The following ADAM28 variants were observed in gnomAD, a reference collection of about 807,000 sequenced individuals.
ADAM28 encodes the protein disintegrin and metalloproteinase domain-containing protein 28.
Under a neutral mutation model 101.2 loss-of-function variants are expected in ADAM28, and 105 were observed. The observed-to-expected ratio is 1.04, with a 90% CI of 0.89 to 1.22. ADAM28 has a LOEUF of 1.22. Among genes scored for constraint, ADAM28 ranks in the 50% most tolerant of loss-of-function variants. The pLI, the probability that ADAM28 is intolerant of heterozygous loss-of-function variation, is 0.00. For missense variants in ADAM28, 1,028 were observed against 945.4 expected (o/e 1.09, Z -1.15); for synonymous variants, 322 against 310.6 (o/e 1.04, Z -0.39).
chr8:24,310,309 C>A, intron 4 of ADAM28, 68 bp downstream of exon 4: 1 of 1,426,330 alleles, frequency 7.0e-7, no homozygotes, highest in Non-Finnish European at 9.7e-7. Context: ...GTGTCCTTGC[C>A]AGGCAAATAA....
In ADAM28 at chr8:24,354,512, C is replaced by A; in HGVS notation, c.*108C>A. ...ATCTCACCAGTATTTGCTCTCGACT[C>A]AAGAAGGTTAACATTTTCTGATTCA... On this transcript the variant is annotated 3_prime_UTR_variant, in exon 23 of 23. Coordinates refer to ENST00000265769, the MANE Select transcript of ADAM28 (RefSeq NM_014265.6). The A allele has an allele frequency of 7.5e-7, 1 of 1,330,830 alleles. No homozygotes were observed. The highest frequency in any genetic ancestry group is 1.0e-6 in the Non-Finnish European group (1 of 980,300). The allele number at this position is 1,330,830 out of a possible 1,614,324, so 82.4% of individuals were successfully genotyped here.
chr8:24,340,354 G>T (rs755374034), intron 15 of ADAM28, among the ~76,000 whole-genome samples: 1 of 152,150 alleles, frequency 6.6e-6, no homozygotes, highest in Non-Finnish European at 1.5e-5. Context: ...TCTCTTGGGA[G>T]AATCTGTGCC....
chr8:24,329,755 C>T (rs1813086772), intron 10 of ADAM28, among the ~76,000 whole-genome samples: 2 of 151,910 alleles, frequency 1.3e-5, no homozygotes, highest in African/African-American at 4.8e-5. Context: ...GAACAATTTC[C>T]TTCATTATAG....
At chr8:24,352,187 A>G (rs1585759208) in intron 21 of ADAM28, 135 bp downstream of exon 21, 1 of 809,150 alleles carries the variant, frequency 1.2e-6, no homozygotes, top group South Asian at 1.8e-5. Flanking sequence ...ATAAAATACA[A>G]ATTCTTCTGC....
intron 18 of ADAM28, 97 bp from the exon 19 acceptor site, chr8:24,349,767 G>T: frequency 1.2e-6 from 1 of 842,474 alleles, no homozygotes; most frequent in South Asian, 2.0e-5. Context: ...GGAGAAAAGG[G>T]TAGCTGGAAT....
At chr8:24,308,672 A>G (rs1316384102) in intron 2 of ADAM28, 1 of 456,114 alleles carries the variant, frequency 2.2e-6, no homozygotes, top group African/African-American at 2.0e-5. Flanking sequence ...AGCTGAGTCC[A>G]TCAACCTCTA....
chr8:24,354,589 A>C lies in ADAM28; in HGVS notation c.*185A>C, dbSNP rs1021876890. The C allele has an allele frequency of 2.0e-6, 1 of 507,164 alleles. No homozygotes were observed. The highest frequency in any genetic ancestry group is 2.0e-5 in the African/African-American group (1 of 49,456). 31.4% of individuals were successfully genotyped at this position (507,164 alleles called of 1,614,324 possible). The stretch of plus-strand genomic sequence containing the variant: ...AATTTTCAAGAGGAACATATGCCTG[A>C]GAACCTTTGCATGAATTTAAAATTT... On this transcript the variant is annotated 3_prime_UTR_variant, in exon 23 of 23. Coordinates refer to ENST00000265769, the MANE Select transcript of ADAM28 (RefSeq NM_014265.6).
At chr8:24,345,474 A>T (rs1227390847) in intron 18 of ADAM28, among the ~76,000 whole-genome samples, 1 of 152,028 alleles carries the variant, frequency 6.6e-6, no homozygotes, top group African/African-American at 2.4e-5. Flanking sequence ...CTTATTACTT[A>T]TAATGACATT....
chr8:24,349,784 TAAGTA>T, intron 18 of ADAM28, 75 bp from the exon 19 acceptor site: 1 of 1,080,366 alleles, frequency 9.3e-7, no homozygotes, highest in South Asian at 1.5e-5. Flanking sequence ...GAATATGTGC[TAAGTA>T]AAGAAACAAG....
At chr8:24,303,072 T>C (rs2129242063) in intron 2 of ADAM28, among the ~76,000 whole-genome samples, 1 of 152,102 alleles carries the variant, frequency 6.6e-6, no homozygotes, top group South Asian at 2.1e-4. Flanking sequence ...ATTGTAAAAA[T>C]TTTCTCTCAT....
At chr8:24,313,202 A>AAAAT (rs1810703497) in intron 5 of ADAM28, among the ~76,000 whole-genome samples, 186 bp from the exon 6 acceptor site, 1 of 152,190 alleles carries the variant, frequency 6.6e-6, no homozygotes, top group Admixed American at 6.5e-5. Context: ...TTCCTTGTAG[A>AAAAT]AAATAAGTTT....
intron 3 of ADAM28, 53 bp from the exon 4 acceptor site, chr8:24,310,109 TG>T: frequency 6.3e-7 from 1 of 1,586,776 alleles, no homozygotes; most frequent in South Asian, 1.1e-5. Context: ...AGAATTTCCA[TG>T]GACTTAGCAA....
intron 14 of ADAM28, among the ~76,000 whole-genome samples, chr8:24,336,368 G>C (rs1050148943): frequency 6.6e-6 from 1 of 151,676 alleles, no homozygotes; most frequent in Non-Finnish European, 1.5e-5. Flanking sequence ...CGGATCACGA[G>C]GTCAGGAGAT....
chr8:24,330,237 T>G lies in ADAM28; in HGVS notation c.1103+122T>G, dbSNP rs1435663933. 3.3e-6 allele frequency: 4 copies of G among 1,213,876 alleles called. No homozygotes were observed. The African/African-American group carries it at 6.1e-5, about 18-fold the overall frequency. The allele number at this position is 1,213,876 out of a possible 1,614,324, so 75.2% of individuals were successfully genotyped here. A position where few individuals can be genotyped will look rare whatever the true frequency, so the allele number is the denominator to read the frequency against. ...GTTTTTGAGTCACTAAATGTGCATT[T>G]GTGCCAAGCCACCTCATCTATGGGT... is the stretch of plus-strand genomic sequence containing the variant. On this transcript the variant is annotated intron_variant, in intron 11 of 22. Coordinates refer to ENST00000265769, the MANE Select transcript of ADAM28 (RefSeq NM_014265.6).
intron 16 of ADAM28, among the ~76,000 whole-genome samples, chr8:24,342,767 G>C (rs1460277338): frequency 6.6e-6 from 1 of 152,028 alleles, no homozygotes; most frequent in Admixed American, 6.6e-5. Context: ...CTGGGACTAG[G>C]GCAGAATTGA....
At chr8:24,325,889 A>AAAAAC (rs1812525420) in intron 9 of ADAM28, among the ~76,000 whole-genome samples, 5 of 141,924 alleles carry the variant, frequency 3.5e-5, no homozygotes, top group African/African-American at 1.4e-4. Flanking sequence ...AAAAAAAAAA[A>AAAAAC]AAAAAAAAAA....
At chr8:24,334,636 T>G (rs1813778554) in intron 13 of ADAM28, among the ~76,000 whole-genome samples, 1 of 152,222 alleles carries the variant, frequency 6.6e-6, no homozygotes, top group Non-Finnish European at 1.5e-5. Context: ...AGCTTTGGGT[T>G]GAATTTGTAG....
chr8:24,320,073 G>C (rs1298222791), intron 6 of ADAM28, among the ~76,000 whole-genome samples, 163 bp from the exon 7 acceptor site: 1 of 151,902 alleles, frequency 6.6e-6, no homozygotes, highest in East Asian at 1.9e-4. Flanking sequence ...TATGAGCCTT[G>C]TCAGTAGATA....
At chr8:24,301,027 A>G (rs1351614495) in intron 2 of ADAM28, 1 of 152,198 alleles carries the variant, frequency 6.6e-6, no homozygotes, top group Non-Finnish European at 1.5e-5. Context: ...TTCAATTATA[A>G]CAATGTTATA....
Sources: allele counts gnomAD v4.1 joint callset (sites outside exome capture counted in the v4.1 genomes callset), GRCh38; gene constraint gnomAD v4.1.1; transcripts MANE v1.5; gene names NCBI Gene and HGNC (gene_info 2026-07-23, HGNC 2026-07-21).